The following TRIM55 variants were observed in gnomAD, a reference collection of about 807,000 sequenced individuals.
TRIM55 encodes the protein tripartite motif-containing protein 55.
Under a neutral mutation model 60.9 loss-of-function variants are expected in TRIM55, and 50 were observed. The observed-to-expected ratio is 0.82, with a 90% confidence interval of 0.65 to 1.04. The LOEUF (loss-of-function observed/expected upper bound fraction) is 1.04, where lower values mean the gene tolerates loss of function less well. Ranked by LOEUF, TRIM55 falls within the 50% of genes least tolerant of loss-of-function variation. TRIM55 has a pLI of 0.00. For synonymous variants in TRIM55, 237 were observed against 238.1 expected (o/e 1.00, Z 0.04); for missense variants, 681 against 666.9 (o/e 1.02, Z -0.23).
At chr8:66,133,547 G>A (rs1475773345) in intron 2 of TRIM55, among the ~76,000 whole-genome samples, 1 of 152,200 alleles carries the variant, frequency 6.6e-6, no homozygotes, top group Non-Finnish European at 1.5e-5. Context: ...AAATCAGAAG[G>A]TCATAGACTT....
the TRIM55 span, among the ~76,000 whole-genome samples, chr8:66,119,701 C>T: frequency 6.6e-6 from 1 of 152,198 alleles, no homozygotes; most frequent in Admixed American, 6.5e-5. Flanking sequence ...AAGACGGTGA[C>T]CCAGTTCTTG....
Position 66,175,267 on chromosome 8 carries a change from T to C in TRIM55, c.*674T>C, listed in dbSNP as rs1297061154. On this transcript the variant is annotated 3_prime_UTR_variant, in exon 10 of 10. Coordinates refer to ENST00000315962, the MANE Select transcript of TRIM55 (RefSeq NM_184085.2). ...ACGTATTAGGCACTTTAGTTGAATC[T>C]TCCAGCAAAAGCTGTCTACTTTCTC... 6.6e-6 allele frequency: 1 copy of C among 152,344 alleles called. No individual in the cohort carries two copies. Among genetic ancestry groups the C allele is most frequent in the African/African-American group, 2.4e-5 (1 of 41,460 alleles). The allele number at this position is 152,344 out of a possible 1,614,324, so 9.4% of individuals were successfully genotyped here.
chr8:66,137,023 A>G, intron 3 of TRIM55, 72 bp from the exon 4 acceptor site: 9 of 1,294,564 alleles, frequency 7.0e-6, no homozygotes, highest in Non-Finnish European at 9.9e-6. Flanking sequence ...TAAAGACAAT[A>G]TTATGACCAA....
chr8:66,120,445 A>G, the TRIM55 span, among the ~76,000 whole-genome samples: 1 of 152,128 alleles, frequency 6.6e-6, no homozygotes, highest in Non-Finnish European at 1.5e-5. Context: ...TGTCAGAAAG[A>G]CCAACCATGA....
At chr8:66,127,094 G>A, upstream of TRIM55, 2 of 583,276 alleles carry the variant, frequency 3.4e-6, no homozygotes, top group South Asian at 4.9e-5. Flanking sequence ...GTGACCGCAG[G>A]CTGCTAAAAA....
chr8:66,147,751 C>G (rs191221169), intron 4 of TRIM55, among the ~76,000 whole-genome samples: 1 of 146,338 alleles, frequency 6.8e-6, no homozygotes, highest in Non-Finnish European at 1.5e-5. Context: ...GCCGAGATCG[C>G]GCCATTGCAC....
At chr8:66,123,497 T>G (rs1808707687), upstream of TRIM55, among the ~76,000 whole-genome samples, 1 of 151,976 alleles carries the variant, frequency 6.6e-6, no homozygotes, top group Non-Finnish European at 1.5e-5. Context: ...TGTTTTCCTG[T>G]GTAGCCTCCA....
chr8:66,132,066 A>G (rs557679143), intron 2 of TRIM55, among the ~76,000 whole-genome samples: 1 of 152,362 alleles, frequency 6.6e-6, no homozygotes, highest in Middle Eastern at 3.4e-3. Context: ...CTGATATTTG[A>G]TACGAGTAAA....
rs753621831 is a variant in TRIM55, at chr8:66,154,289, A to G, written c.1479A>G (p.Ala493=). The G allele has an allele frequency of 2.4e-5, 38 of 1,614,034 alleles. No individual in the cohort carries two copies. The highest frequency in any genetic ancestry group is 3.2e-5 in the Non-Finnish European group (38 of 1,180,042). ...EVAAAAASER[A]AVSGKETSAP... ...CAGCAGCCGCAGCGAGTGAGAGGGC[A>G]GCTGTGAGTGGTAAGGAAACTAGTG... Residue 493 remains alanine (A), a synonymous_variant, in exon 9 of 10, where the codon GCA becomes GCG. Transcript: ENST00000315962.
At chr8:66,113,372 G>C in the TRIM55 span, 2 of 383,448 alleles carry the variant, frequency 5.2e-6, no homozygotes, top group South Asian at 1.9e-5. Context: ...ACGTCCCTTC[G>C]ATAGCTCAGC....
chr8:66,137,168 A>C lies in TRIM55; in HGVS notation c.581A>C (p.Glu194Ala). The part of the protein sequence containing the change: ...DRVQGVISQL[E>A]DTCKTIEECC... ...GTCCAGGGAGTGATCAGCCAGCTGG[A>C]AGACACCTGCAAAACTATCGAGGTG... The change falls in exon 4 of 10, where the codon GAA becomes GCA. Residue 194 changes from glutamate to alanine, a missense_variant. Physicochemically the swap from Glu to Ala is moderately radical, Grantham distance 107 (BLOSUM62 -1). Coordinates refer to ENST00000315962, the MANE Select transcript of TRIM55 (RefSeq NM_184085.2). 6.2e-7 allele frequency: 1 copy of C among 1,614,114 alleles called. No individual in the cohort carries two copies. The highest frequency in any genetic ancestry group is 1.1e-5 in the South Asian group (1 of 91,072).
At position 66,150,542 on chromosome 8, in the gene TRIM55, C is replaced by T. The variant is rs187166218; in HGVS notation, c.985+76C>T. 173 of 1,557,444 alleles carry T rather than the reference C, an allele frequency of 1.1e-4. 1 individual carries two copies. Among genetic ancestry groups the T allele is most frequent in the Admixed American group, 1.0e-3 (57 of 57,060 alleles). ...GCCGAAGAGTTGGGTGGGAGGAAAG[C>T]GGGGATTCAGAATCACCTCCAGAAT... is the stretch of plus-strand genomic sequence containing the variant. On this transcript the variant is annotated intron_variant, in intron 7 of 9. Coordinates refer to ENST00000315962, the MANE Select transcript of TRIM55 (RefSeq NM_184085.2).
chr8:66,121,706 C>T, the TRIM55 span, among the ~76,000 whole-genome samples: 1 of 152,210 alleles, frequency 6.6e-6, no homozygotes, highest in African/African-American at 2.4e-5. Context: ...CTGTATATCA[C>T]TTCCTTTTCT....
Position 66,137,202 on chromosome 8 carries a change from G to T in TRIM55, c.603+12G>T. 1 of 1,609,688 alleles carries T rather than the reference G, an allele frequency of 6.2e-7. No homozygotes were observed. Among genetic ancestry groups the T allele is most frequent in the South Asian group, 1.1e-5 (1 of 90,872 alleles). On this transcript the variant is annotated intron_variant, in intron 4 of 9. Coordinates refer to ENST00000315962, the MANE Select transcript of TRIM55 (RefSeq NM_184085.2). ...GCAAAACTATCGAGGTGAGTCAGGT[G>T]ACTCCCACAGCGTCTCAACCAAGCC...
At chr8:66,140,396 G>T in intron 4 of TRIM55, among the ~76,000 whole-genome samples, 1 of 152,196 alleles carries the variant, frequency 6.6e-6, no homozygotes, top group Middle Eastern at 3.2e-3. Context: ...GCAAAATAAA[G>T]AATAAGTGAA....
In TRIM55 at chr8:66,127,882, A is replaced by G. The variant is rs142926890; in HGVS notation, c.169-422A>G. ...AAAAAAACTTTATAAAGTTGCATTTACTTTCAAGAAAAACACGTTTCTTTT... is the reference window on the plus strand; with the variant it reads ...AAAAAAACTTTATAAAGTTGCATTTGCTTTCAAGAAAAACACGTTTCTTTT... On this transcript the variant is annotated intron_variant, in intron 1 of 9. Coordinates refer to ENST00000315962, the MANE Select transcript of TRIM55 (RefSeq NM_184085.2). Among the ~76,000 whole-genome samples the G allele has an allele frequency of 2.6e-3, 395 of 152,358 alleles. 4 individuals carry two copies. The highest frequency in any genetic ancestry group is 9.2e-3 in the African/African-American group (381 of 41,588).
the TRIM55 span, among the ~76,000 whole-genome samples, chr8:66,121,302 G>A: frequency 6.6e-6 from 1 of 152,186 alleles, no homozygotes; most frequent in African/African-American, 2.4e-5. Flanking sequence ...CAGAAACGAG[G>A]GACAACCAGG....
the TRIM55 span, among the ~76,000 whole-genome samples, chr8:66,121,181 C>T: frequency 6.6e-6 from 1 of 152,186 alleles, no homozygotes; most frequent in Non-Finnish European, 1.5e-5. Context: ...TCTAATTTCC[C>T]CAGACATACC....
At chr8:66,174,361 AATAATAATTGTTATT>A (rs1175276008) in intron 9 of TRIM55, 95 bp from the exon 10 acceptor site, 9 of 791,896 alleles carry the variant, frequency 1.1e-5, no homozygotes, top group African/African-American at 3.8e-5. Context: ...TTGTTATTAT[AATAATAATTGTTATT>A]ATTATTATAC....
Sources: allele counts gnomAD v4.1 joint callset (sites outside exome capture counted in the v4.1 genomes callset), GRCh38; gene constraint gnomAD v4.1.1; transcripts MANE v1.5; gene names NCBI Gene and HGNC (gene_info 2026-07-23, HGNC 2026-07-21).